Variants in SPTBN5 observed in about 807,000 individuals in gnomAD.
SPTBN5 encodes the protein spectrin beta, non-erythrocytic 5.
Under a neutral mutation model 477.6 loss-of-function variants are expected in SPTBN5, and 513 were observed. The observed-to-expected ratio is 1.07, with a 90% confidence interval of 1.00 to 1.16. The LOEUF (loss-of-function observed/expected upper bound fraction) is 1.16, where lower values mean the gene tolerates loss of function less well. Ranked by LOEUF, SPTBN5 falls within the 50% of genes most tolerant of loss-of-function variation. The probability of loss-of-function intolerance (pLI) is 0.00; values close to 1 mark genes in which losing one functional copy is unlikely to be tolerated. For missense variants in SPTBN5, 5,062 were observed against 4,731.8 expected (o/e 1.07, Z -2.05); for synonymous variants, 2,169 against 2,011.7 (o/e 1.08, Z -2.09).
In SPTBN5 at chr15:41,893,250, G is replaced by A. The variant is rs762756387; in HGVS notation, c.216+32C>T. On this transcript the variant is annotated intron_variant, in intron 2 of 67. Transcript: ENST00000320955. Reference sequence around the variant, plus strand: ...GGCCAGAGCTGGGGGCCTGGTATGGGTGGGCTGTGGGTCACAGCTGGCTAT... The same window carrying A: ...GGCCAGAGCTGGGGGCCTGGTATGGATGGGCTGTGGGTCACAGCTGGCTAT... The A allele has an allele frequency of 5.6e-6, 9 of 1,613,092 alleles. No homozygotes were observed. The Admixed American group carries it at 1.3e-4, about 24-fold the overall frequency.
rs529368814 is a variant in SPTBN5 at position 41,854,490 on chromosome 15, G to A, written c.9619-285C>T. On this transcript the variant is annotated intron_variant, in intron 56 of 67. Transcript: ENST00000320955. ...TTGGGTCCACGTGAGGGAGCAGGCC[G>A]GTTCTCGGGGATCTGGCTGACCCTG... 5.3e-5 allele frequency among the ~76,000 whole-genome samples: 8 copies of A among 152,242 alleles called. No individual in the cohort carries two copies. The South Asian group carries it at 6.2e-4, about 12-fold the overall frequency.
In SPTBN5 at chr15:41,878,667, C is replaced by T. The variant is rs367863298; in HGVS notation, c.3183-38G>A. ...GTGCGCTGCACAGTCAGTGCCCTGT[C>T]CTGGGCCTGGTGCCCCAGGCACATG... On this transcript the variant is annotated intron_variant, in intron 16 of 67. Transcript: ENST00000320955. The T allele has an allele frequency of 1.8e-3, 2,797 of 1,577,226 alleles. 30 individuals carry two copies. The South Asian group carries it at 0.02, about 11-fold the overall frequency.
At chr15:41,849,043 A>G (rs771372953) in intron 67 of SPTBN5, among the ~76,000 whole-genome samples, 1 of 152,168 alleles carries the variant, frequency 6.6e-6, no homozygotes, top group Non-Finnish European at 1.5e-5. Context: ...GCCACCCCTC[A>G]TGGTATGAGC....
At chr15:41,881,912 G>A (rs768842152) in intron 12 of SPTBN5, 24 bp downstream of exon 12, 16 of 1,514,546 alleles carry the variant, frequency 1.1e-5, no homozygotes, top group Non-Finnish European at 1.3e-5. Context: ...GAGACCAGGC[G>A]CCCTTCCCTG....
Position 41,879,460 on chromosome 15 carries a change from C to T in SPTBN5, c.2982G>A (p.Val994=), listed in dbSNP as rs965948774. The change falls in exon 16 of 68, where the codon GTG becomes GTA. Residue 994 remains valine, a synonymous_variant. Transcript: ENST00000320955. ...ACACTTCCACACTGTGTGCCAGCTGCACGGCCTTCTCCCTCTTCAGGGCCT... is the reference window on the plus strand; with the variant it reads ...ACACTTCCACACTGTGTGCCAGCTGTACGGCCTTCTCCCTCTTCAGGGCCT... ...QLEALKREKA[V]QLAHSVEVCS... The T allele has an allele frequency of 6.3e-7, 1 of 1,595,902 alleles. No homozygotes were observed.
chr15:41,875,001 CCT>C lies in SPTBN5; in HGVS notation c.4341_4342del (p.Gly1448AlafsTer19). The C allele has an allele frequency of 6.2e-7, 1 of 1,613,646 alleles. No homozygotes were observed. The highest frequency in any genetic ancestry group is 8.5e-7 in the Non-Finnish European group (1 of 1,179,854). ...CCTCTGGCTGGAGCGCAGGTCCTGC[CCT>C]GTTTCCGAGCTCTGTAGGGCCCCTT... On this transcript the variant is annotated frameshift_variant, in exon 23 of 68. Transcript: ENST00000320955. LOFTEE classifies it high-confidence loss of function.
rs1215252860 is a variant in SPTBN5, at chr15:41,861,871, T to C, written c.7601A>G (p.Gln2534Arg). ...DSISLARSTG[Q>R]QLLTAGHPFS... Reference sequence around the variant, plus strand: ...GGGGTGCCCCGCTGTGAGCAGTTGCTGCCCAGTGCTTCGGGCCAGGCTGAT... The same window carrying C: ...GGGGTGCCCCGCTGTGAGCAGTTGCCGCCCAGTGCTTCGGGCCAGGCTGAT... Residue 2534 changes from glutamine (Q) to arginine (R), a missense_variant, in exon 45 of 68, where the codon CAG becomes CGG. By Grantham distance (43) the Gln-to-Arg change is conservative. Coordinates refer to ENST00000320955, the MANE Select transcript of SPTBN5 (RefSeq NM_016642.4). 8.1e-6 allele frequency: 13 copies of C among 1,608,634 alleles called. No individual in the cohort carries two copies. Among genetic ancestry groups the C allele is most frequent in the Admixed American group, 3.3e-5 (2 of 59,906 alleles).
Position 41,854,812 on chromosome 15 carries a change from C to T in SPTBN5, c.9588G>A (p.Arg3196=). The T allele has an allele frequency of 1.3e-6, 2 of 1,572,794 alleles. No individual in the cohort carries two copies. The highest frequency in any genetic ancestry group is 2.4e-5 in the South Asian group (2 of 85,106). ...QRSRIEAAWE[R]LDQAIKARTE... is the part of the protein sequence containing the mutation. ...TGCGGGCTTTTATTGCTTGGTCCAA[C>T]CTCTCCCAAGCAGCCTCAATGCGGC... Residue 3196 remains arginine, a synonymous_variant, in exon 56 of 68, where the codon AGG becomes AGA. Coordinates refer to ENST00000320955, the MANE Select transcript of SPTBN5 (RefSeq NM_016642.4).
rs1397396145 is a variant in SPTBN5, at chr15:41,862,899, G to T, written c.7154C>A (p.Ala2385Asp). ...NVTKRIQEKE[A>D]LIQALDCGKD... is the part of the protein sequence containing the mutation. ...CCCACAGTCCAGGGCCTGGATCAGGGCTTCCTGGAGGAGGGGCACGGCCAG... is the reference window on the plus strand; with the variant it reads ...CCCACAGTCCAGGGCCTGGATCAGGTCTTCCTGGAGGAGGGGCACGGCCAG... The change falls in exon 42 of 68, where the codon GCC becomes GAC. Residue 2385 changes from alanine (A) to aspartate (D), a missense_variant. Transcript: ENST00000320955. 3.2e-6 allele frequency: 5 copies of T among 1,573,138 alleles called. No homozygotes were observed. The highest frequency in any genetic ancestry group is 3.4e-6 in the Non-Finnish European group (4 of 1,160,084).
intron 7 of SPTBN5, among the ~76,000 whole-genome samples, chr15:41,885,225 A>C (rs1038103146): frequency 3.3e-5 from 5 of 152,126 alleles, no homozygotes; most frequent in African/African-American, 1.2e-4. Flanking sequence ...GGGTTTTGCC[A>C]TGTTGGCTAG....
chr15:41,893,572 G>A (rs1432420109), intron 1 of SPTBN5, 26 bp from the exon 2 acceptor site: 2 of 1,515,994 alleles, frequency 1.3e-6, no homozygotes, highest in Non-Finnish European at 1.8e-6. Flanking sequence ...ATTAGGGGAT[G>A]ATGTGAATGG....
chr15:41,851,982 C>T, intron 62 of SPTBN5, 132 bp from the exon 63 acceptor site: 2 of 942,664 alleles, frequency 2.1e-6, no homozygotes, highest in Non-Finnish European at 1.6e-6. Flanking sequence ...TGCTTAGCTT[C>T]TAAGATCAGA....
At position 41,852,832 on chromosome 15, in the gene SPTBN5, C is replaced by T. The variant is rs575785536; in HGVS notation, c.10339G>A (p.Asp3447Asn). ...ACWEGLLLKPDYGHSVSDVEL... is the reference protein window; with the variant it reads ...ACWEGLLLKPNYGHSVSDVEL... ...GCAGGACCCCCACTCACCCCATAGT[C>T]GGGCTTCAGCAGGAGTCCCTCCCAG... Residue 3447 changes from aspartate to asparagine, a missense_variant, in exon 60 of 68, where the codon GAC becomes AAC. Physicochemically the swap from Asp to Asn is conservative, Grantham distance 23. Coordinates refer to ENST00000320955, the MANE Select transcript of SPTBN5 (RefSeq NM_016642.4). 98 of 1,606,644 alleles carry T rather than the reference C, an allele frequency of 6.1e-5. 2 individuals carry two copies. In the South Asian group the frequency reaches 9.0e-4, roughly 15 times the overall value.
At chr15:41,877,743 G>C (rs2066793194) in intron 17 of SPTBN5, among the ~76,000 whole-genome samples, 1 of 152,226 alleles carries the variant, frequency 6.6e-6, no homozygotes. Flanking sequence ...ATTAGAGCAA[G>C]GCTCCACTTC....
At chr15:41,849,633 G>T (rs964051766) in intron 67 of SPTBN5, among the ~76,000 whole-genome samples, 10 of 152,200 alleles carry the variant, frequency 6.6e-5, no homozygotes, top group African/African-American at 2.4e-4. Context: ...CCCCACACTA[G>T]AGCCTGGAGT....
chr15:41,853,470 G>A (rs2065839574), intron 58 of SPTBN5, 23 bp from the exon 59 acceptor site: 2 of 1,553,632 alleles, frequency 1.3e-6, no homozygotes, highest in African/African-American at 1.4e-5. Context: ...GAAGGGAGCT[G>A]TTGTCAGGGC....
chr15:41,863,693 C>T lies in SPTBN5; in HGVS notation c.7149+11G>A, dbSNP rs773631512. On this transcript the variant is annotated intron_variant, in intron 41 of 67. Coordinates refer to ENST00000320955, the MANE Select transcript of SPTBN5 (RefSeq NM_016642.4). ...TCACAGCCCCCACCGGGACCTCTTT[C>T]CACCACGTACCTTCTCCTGAATCCT... 6.8e-6 allele frequency: 11 copies of T among 1,609,294 alleles called. No homozygotes were observed. The highest frequency in any genetic ancestry group is 4.4e-5 in the South Asian group (4 of 90,890).
chr15:41,849,448 G>A (rs1047699588), intron 67 of SPTBN5, among the ~76,000 whole-genome samples: 12 of 152,190 alleles, frequency 7.9e-5, no homozygotes, highest in South Asian at 6.2e-4. Flanking sequence ...GGGTCTGGCC[G>A]TCCTGCCAAT....
chr15:41,871,651 T>C (rs969623171), intron 28 of SPTBN5, 131 bp from the exon 29 acceptor site: 10 of 1,413,898 alleles, frequency 7.1e-6, no homozygotes, highest in African/African-American at 1.5e-5. Context: ...CCCGCTCCAC[T>C]GAGGAGGCCC....
Sources: allele counts gnomAD v4.1 joint callset (sites outside exome capture counted in the v4.1 genomes callset), GRCh38; gene constraint gnomAD v4.1.1; transcripts MANE v1.5; gene names NCBI Gene and HGNC (gene_info 2026-07-23, HGNC 2026-07-21).